OPHN1: variants seen among roughly 807,000 people sequenced by gnomAD.
OPHN1 encodes oligophrenin-1.
A neutral mutation model predicts 60.7 loss-of-function variants in OPHN1; 11 were observed. That is an observed-to-expected ratio of 0.18 (90% CI 0.11 to 0.30). The LOEUF (loss-of-function observed/expected upper bound fraction) is 0.30, where lower values mean the gene tolerates loss of function less well. Among genes scored for constraint, OPHN1 ranks in the 10% least tolerant of loss-of-function variants. OPHN1 has a pLI of 1.00. For synonymous variants in OPHN1, 226 were observed against 222.6 expected, an observed-to-expected ratio of 1.02 and a Z score of -0.14; for missense variants, 449 against 611.0, an observed-to-expected ratio of 0.73 and a Z score of 2.80.
intron 6 of OPHN1, among the ~76,000 whole-genome samples, chrX:68,225,411 A>T (rs1485198109): frequency 8.9e-6 from 1 of 112,102 alleles, no homozygotes; most frequent in East Asian, 2.8e-4. Context: ...CTGAGAACGG[A>T]CAGACTGCCT....
intron 2 of OPHN1, among the ~76,000 whole-genome samples, chrX:68,370,985 A>G (rs906276857): frequency 9.0e-6 from 1 of 111,529 alleles, no homozygotes; most frequent in Non-Finnish European, 1.9e-5. Context: ...TACAGAAAAC[A>G]AAAACCAAAA....
chrX:68,067,836 G>A (rs1398955432), intron 20 of OPHN1, among the ~76,000 whole-genome samples: 1 of 111,825 alleles, frequency 8.9e-6, no homozygotes, highest in Non-Finnish European at 1.9e-5. Context: ...CTACTGGTGA[G>A]CAGGATTGGT....
intron 15 of OPHN1, among the ~76,000 whole-genome samples, chrX:68,181,721 G>A (rs1323080732): frequency 1.8e-5 from 2 of 111,717 alleles, no homozygotes; most frequent in African/African-American, 6.5e-5. Flanking sequence ...ACAGCTACTT[G>A]GGAGGTTGAG....
chrX:68,073,193 T>C lies in OPHN1; in HGVS notation c.1793A>G (p.Glu598Gly). The change falls in exon 20 of 25, where the codon GAA becomes GGA. Residue 598 changes from glutamate to glycine, a missense_variant. Transcript: ENST00000355520. ...GGAAGAAGTATAGAAAACCGTCCTT[T>C]CTCGCAGCAAGCGCTTTGAAATCGT... ...PITISKRLLR[E>G]RTVFYTSSLD... 2 of 1,211,560 alleles carry C rather than the reference T, an allele frequency of 1.7e-6. No homozygotes were observed. The highest frequency in any genetic ancestry group is 2.2e-6 in the Non-Finnish European group (2 of 895,374).
intron 8 of OPHN1, among the ~76,000 whole-genome samples, chrX:68,211,138 G>T (rs969721981): frequency 1.8e-5 from 2 of 111,123 alleles, no homozygotes; most frequent in African/African-American, 6.5e-5. Context: ...GTTCCTTTCT[G>T]CAAGGAGAGT....
chrX:68,056,921 C>T (rs1473920418), intron 21 of OPHN1, among the ~76,000 whole-genome samples: 2 of 111,454 alleles, frequency 1.8e-5, no homozygotes, highest in Non-Finnish European at 3.8e-5. Context: ...AATGGTAATA[C>T]AATAGTACTG....
At chrX:68,074,433 T>C (rs2076946489) in intron 19 of OPHN1, among the ~76,000 whole-genome samples, 1 of 111,820 alleles carries the variant, frequency 8.9e-6, no homozygotes, top group Non-Finnish European at 1.9e-5. Flanking sequence ...CCATCATTAG[T>C]AATAATAGTC....
At chrX:68,400,658 GTGGCA>G (rs2147766542) in intron 2 of OPHN1, among the ~76,000 whole-genome samples, 1 of 103,526 alleles carries the variant, frequency 9.7e-6, no homozygotes, top group African/African-American at 3.5e-5. Flanking sequence ...CTGGAGTGCT[GTGGCA>G]TGATCTCGGC....
At chrX:68,376,394 T>C (rs2078557053) in intron 2 of OPHN1, among the ~76,000 whole-genome samples, 1 of 110,558 alleles carries the variant, frequency 9.0e-6, no homozygotes, top group Non-Finnish European at 1.9e-5. Flanking sequence ...CAGATGGAAG[T>C]AGGTGTAAAG....
chrX:68,150,064 C>T (rs865985221), intron 15 of OPHN1, among the ~76,000 whole-genome samples: 26 of 111,744 alleles, frequency 2.3e-4, no homozygotes, highest in African/African-American at 7.5e-4. Flanking sequence ...TCACATATTA[C>T]ACACCACACA....
At chrX:68,198,524 T>C (rs1338166483) in intron 11 of OPHN1, among the ~76,000 whole-genome samples, 3 of 112,090 alleles carry the variant, frequency 2.7e-5, no homozygotes, top group African/African-American at 9.7e-5. Context: ...TTATGCTCTT[T>C]ATGGTCTTTT....
intron 2 of OPHN1, among the ~76,000 whole-genome samples, chrX:68,333,175 T>G (rs1375113441): frequency 7.3e-5 from 8 of 109,821 alleles, no homozygotes; most frequent in Non-Finnish European, 1.3e-4. Context: ...ATGCCTGTAA[T>G]CTTAGTACAG....
intron 17 of OPHN1, 125 bp downstream of exon 17, chrX:68,113,056 A>T (rs2077111760): frequency 2.0e-6 from 1 of 506,725 alleles, no homozygotes; most frequent in African/African-American, 2.4e-5. Context: ...AGTTGTGCAT[A>T]ATTTGTGTAT....
intron 2 of OPHN1, among the ~76,000 whole-genome samples, chrX:68,423,363 T>G (rs766583645): frequency 9.0e-6 from 1 of 111,284 alleles, no homozygotes; most frequent in East Asian, 2.8e-4. Flanking sequence ...CCAGGTCTGA[T>G]GTTCTATAAG....
chrX:68,246,666 T>C (rs1370497300), intron 5 of OPHN1, among the ~76,000 whole-genome samples: 1 of 111,424 alleles, frequency 9.0e-6, no homozygotes, highest in Admixed American at 9.6e-5. Flanking sequence ...AGCATTGAAA[T>C]AGGCGAAAAT....
At chrX:68,377,621 C>T (rs772229253) in intron 2 of OPHN1, among the ~76,000 whole-genome samples, 120 of 107,572 alleles carry the variant, frequency 1.1e-3, no homozygotes, top group African/African-American at 3.4e-3. Context: ...TGATGTTCCC[C>T]CTCCTGTGTC....
At chrX:68,168,923 C>T (rs895492426) in intron 15 of OPHN1, among the ~76,000 whole-genome samples, 12 of 111,011 alleles carry the variant, frequency 1.1e-4, no homozygotes, top group Non-Finnish European at 2.3e-4. Context: ...ATAAATTCCT[C>T]GACACATACA....
At chrX:68,084,360 C>T (rs1197850163) in intron 19 of OPHN1, among the ~76,000 whole-genome samples, 2 of 48,730 alleles carry the variant, frequency 4.1e-5, no homozygotes, top group African/African-American at 1.8e-4. Context: ...GAGGGAGGAA[C>T]GGGGGGAGAG....
intron 16 of OPHN1, among the ~76,000 whole-genome samples, chrX:68,116,906 C>G (rs190648166): frequency 9.0e-6 from 1 of 111,422 alleles, no homozygotes; most frequent in East Asian, 2.8e-4. Flanking sequence ...CTGCTACTCC[C>G]TAGTCCAAGC....
Sources: gnomAD v4.1 joint callset for allele counts (sites outside exome capture counted in the v4.1 genomes callset) on GRCh38, gnomAD v4.1.1 for gene constraint, MANE v1.5 for transcripts, NCBI Gene and HGNC (gene_info 2026-07-23, HGNC 2026-07-21) for gene names.